PRKN: variants seen among roughly 807,000 people sequenced by gnomAD.
PRKN encodes the protein parkin RBR E3 ubiquitin protein ligase, also known as E3 ubiquitin-protein ligase parkin.
In PRKN, 56 loss-of-function variants were observed where a neutral mutation model predicts 59.5. That is an observed-to-expected ratio of 0.94 (90% CI 0.76 to 1.18). The LOEUF (loss-of-function observed/expected upper bound fraction) is 1.18, where lower values mean the gene tolerates loss of function less well. Among genes scored for constraint, PRKN ranks in the 50% most tolerant of loss-of-function variants. PRKN has a pLI of 0.00. For missense variants in PRKN, 657 were observed against 596.4 expected, an observed-to-expected ratio of 1.10 and a Z score of -1.06; for synonymous variants, 250 against 222.1, an observed-to-expected ratio of 1.13 and a Z score of -1.12.
chr6:162,342,431 T>C (rs1784219696), intron 2 of PRKN, among the ~76,000 whole-genome samples: 1 of 152,220 alleles, frequency 6.6e-6, no homozygotes, highest in Non-Finnish European at 1.5e-5. Context: ...GTAGTTTACA[T>C]ATATTATCTC....
intron 8 of PRKN, among the ~76,000 whole-genome samples, chr6:161,564,673 C>T (rs536415534): frequency 6.6e-6 from 1 of 152,288 alleles, no homozygotes; most frequent in South Asian, 2.1e-4. Context: ...CATTTCAACC[C>T]ATCAGCCTAC....
chr6:162,179,039 T>G (rs1783662988), intron 4 of PRKN, among the ~76,000 whole-genome samples: 1 of 152,088 alleles, frequency 6.6e-6, no homozygotes, highest in South Asian at 2.1e-4. Flanking sequence ...ACCTGATGCC[T>G]GGCTAATTTT....
chr6:161,663,761 C>T (rs898601300), intron 7 of PRKN, among the ~76,000 whole-genome samples: 3 of 152,212 alleles, frequency 2.0e-5, no homozygotes, highest in African/African-American at 7.2e-5. Flanking sequence ...CTCTTTCCTT[C>T]TCCCTCCATT....
At chr6:162,371,074 G>A (rs1318003340) in intron 2 of PRKN, among the ~76,000 whole-genome samples, 2 of 152,180 alleles carry the variant, frequency 1.3e-5, no homozygotes. Flanking sequence ...GAAGGCCATC[G>A]TGGGAAGGTG....
intron 9 of PRKN, among the ~76,000 whole-genome samples, chr6:161,528,325 G>A (rs950660975): frequency 1.3e-5 from 2 of 152,148 alleles, no homozygotes; most frequent in Non-Finnish European, 2.9e-5. Context: ...CACAGCTGTG[G>A]GAACGCAATG....
chr6:161,872,879 T>G (rs1469599679), intron 6 of PRKN, among the ~76,000 whole-genome samples: 1 of 151,782 alleles, frequency 6.6e-6, no homozygotes, highest in Non-Finnish European at 1.5e-5. Context: ...ACAAATAGAG[T>G]TATTCTCCTG....
intron 2 of PRKN, among the ~76,000 whole-genome samples, chr6:162,341,315 TA>T (rs896711343): frequency 6.6e-6 from 1 of 152,270 alleles, no homozygotes; most frequent in Admixed American, 6.5e-5. Context: ...GGTGGGAGTG[TA>T]AATTAGTTCA....
At chr6:161,757,625 GTCAGGTGT>G (rs953439151) in intron 7 of PRKN, among the ~76,000 whole-genome samples, 1 of 151,826 alleles carries the variant, frequency 6.6e-6, no homozygotes, top group African/African-American at 2.4e-5. Context: ...ATCACCTGAG[GTCAGGTGT>G]TCAAGACCAG....
rs548554262 is a variant in PRKN, at chr6:162,195,642, T to C, written c.534+5489A>G. On this transcript the variant is annotated intron_variant, in intron 4 of 11. Transcript: ENST00000366898. ...GCTATTCCATGGCAGAGTATCTCAT[T>C]AGAGTGGCAAAGATAAAGTTCTTTT... is the stretch of plus-strand genomic sequence containing the variant. 1.0e-3 allele frequency among the ~76,000 whole-genome samples: 154 copies of C among 152,320 alleles called. 2 individuals carry two copies. The highest frequency in any genetic ancestry group is 1.5e-3 in the Non-Finnish European group (100 of 68,026).
chr6:161,422,874 G>A (rs997510327), intron 9 of PRKN, among the ~76,000 whole-genome samples: 2 of 152,104 alleles, frequency 1.3e-5, no homozygotes, highest in Non-Finnish European at 2.9e-5. Context: ...ATAAATAAAC[G>A]GGGATGATGC....
chr6:161,782,202 G>A (rs1790234901), intron 7 of PRKN, among the ~76,000 whole-genome samples: 1 of 151,996 alleles, frequency 6.6e-6, no homozygotes, highest in African/African-American at 2.4e-5. Flanking sequence ...CCTACACAAA[G>A]GAATTCAATA....
chr6:161,825,707 G>A (rs114625019), intron 6 of PRKN, among the ~76,000 whole-genome samples: 2,382 of 152,204 alleles, frequency 0.016, 36 homozygotes, highest in African/African-American at 0.049. Flanking sequence ...CTGGAAATGC[G>A]AGGGTGTCTG....
At chr6:162,706,152 A>G (rs767335143) in intron 1 of PRKN, among the ~76,000 whole-genome samples, 77 of 150,690 alleles carry the variant, frequency 5.1e-4, no homozygotes, top group Non-Finnish European at 9.2e-4. Flanking sequence ...AAAAAAAAAG[A>G]CCACAGCAGG....
intron 5 of PRKN, among the ~76,000 whole-genome samples, chr6:161,976,917 G>A (rs1470186285): frequency 2.6e-5 from 4 of 152,212 alleles, no homozygotes; most frequent in Non-Finnish European, 5.9e-5. Flanking sequence ...AATTCAGCCA[G>A]ATAAAAGCCT....
intron 2 of PRKN, among the ~76,000 whole-genome samples, chr6:162,366,965 T>G (rs1456561552): frequency 6.6e-6 from 1 of 152,170 alleles, no homozygotes; most frequent in Non-Finnish European, 1.5e-5. Flanking sequence ...TCATACTCTT[T>G]TGTATACAGT....
At chr6:161,715,004 C>T (rs1786912543) in intron 7 of PRKN, among the ~76,000 whole-genome samples, 1 of 152,298 alleles carries the variant, frequency 6.6e-6, no homozygotes, top group East Asian at 1.9e-4. Flanking sequence ...TTATCCTTCC[C>T]GCCTGCTTCC....
chr6:161,611,611 T>A (rs973892923), intron 7 of PRKN, among the ~76,000 whole-genome samples: 2 of 152,228 alleles, frequency 1.3e-5, no homozygotes, highest in Non-Finnish European at 2.9e-5. Flanking sequence ...GTGTTGTGTG[T>A]GTTCTGACTG....
chr6:162,173,529 T>G, intron 4 of PRKN, among the ~76,000 whole-genome samples: 1 of 75,038 alleles, frequency 1.3e-5, no homozygotes, highest in Admixed American at 1.7e-4. Flanking sequence ...TCTATTTTGA[T>G]GCAGCTTTTT....
chr6:162,390,430 TTA>T (rs61365686), intron 2 of PRKN, among the ~76,000 whole-genome samples: 21 of 114,484 alleles, frequency 1.8e-4, no homozygotes, highest in South Asian at 2.8e-4. Context: ...CACACACACC[TTA>T]TATATATATA....
Sources: gnomAD v4.1 joint callset for allele counts (sites outside exome capture counted in the v4.1 genomes callset) on GRCh38, gnomAD v4.1.1 for gene constraint, MANE v1.5 for transcripts, NCBI Gene and HGNC (gene_info 2026-07-23, HGNC 2026-07-21) for gene names.